VPS33A: variants seen among roughly 807,000 people sequenced by gnomAD.
The protein encoded by VPS33A is VPS33A core subunit of CORVET and HOPS complexes.
A neutral mutation model predicts 71.8 loss-of-function variants in VPS33A; 32 were observed. The observed-to-expected ratio is 0.45, with a 90% CI of 0.34 to 0.60. VPS33A has a LOEUF of 0.60. Among genes scored for constraint, VPS33A ranks in the 20% least tolerant of loss-of-function variants. The pLI is 0.02. For synonymous variants in VPS33A, 311 were observed against 292.7 expected (o/e 1.06, Z -0.64); for missense variants, 625 against 748.5 (o/e 0.84, Z 1.92).
At chr12:122,240,069 T>C (rs541193476) in intron 8 of VPS33A, 124 bp from the exon 9 acceptor site, 2 of 718,038 alleles carry the variant, frequency 2.8e-6, no homozygotes, top group Admixed American at 4.6e-5. Flanking sequence ...GGCTCACACC[T>C]GTAATCTCAG....
chr12:122,234,758 G>C (rs1340698547), intron 11 of VPS33A, among the ~76,000 whole-genome samples: 1 of 152,184 alleles, frequency 6.6e-6, no homozygotes, highest in Non-Finnish European at 1.5e-5. Context: ...AGAGTGAACT[G>C]GAGAGTGGGC....
chr12:122,252,622 T>TGA (rs1412841871), intron 4 of VPS33A, among the ~76,000 whole-genome samples: 1 of 151,264 alleles, frequency 6.6e-6, no homozygotes. Context: ...ACCTGTGAGG[T>TGA]GAGAGGAGGG....
chr12:122,261,866 G>C (rs1255264839), intron 3 of VPS33A, among the ~76,000 whole-genome samples: 1 of 152,164 alleles, frequency 6.6e-6, no homozygotes, highest in Non-Finnish European at 1.5e-5. Context: ...GCCGGGCATG[G>C]TGGCAGGCAC....
At chr12:122,238,992 TACATACAC>T (rs1049530871) in intron 9 of VPS33A, among the ~76,000 whole-genome samples, 2 of 118,606 alleles carry the variant, frequency 1.7e-5, no homozygotes, top group African/African-American at 6.8e-5. Context: ...CACACATACA[TACATACAC>T]ACACACACAC....
rs921034226 is a variant in VPS33A at position 122,229,693 on chromosome 12, T to C, written c.*2553A>G. ...AAATGTACCGTTCACATATCCTTTC[T>C]CAGTAAGGGCATACTCTTTTGAGAC... On this transcript the variant is annotated 3_prime_UTR_variant, in exon 13 of 13. Transcript: ENST00000267199. 1 of 152,224 alleles carries C rather than the reference T, an allele frequency of 6.6e-6. No homozygotes were observed. The highest frequency in any genetic ancestry group is 1.5e-5 in the Non-Finnish European group (1 of 68,026). 9.4% of individuals were successfully genotyped at this position (152,224 alleles called of 1,614,324 possible).
Position 122,232,371 on chromosome 12 carries a change from C to A in VPS33A, c.1666G>T (p.Ala556Ser). The A allele has an allele frequency of 3.7e-6, 6 of 1,614,150 alleles. No individual in the cohort carries two copies. Among genetic ancestry groups the A allele is most frequent in the Non-Finnish European group, 5.1e-6 (6 of 1,180,032 alleles). The change falls in exon 13 of 13, where the codon GCT becomes TCT. Residue 556 changes from alanine to serine, a missense_variant. Ala to Ser is a moderately conservative substitution (Grantham distance 99). Transcript: ENST00000267199. ...LIFFLGGVTF[A>S]EIAALRFLSQ... ...AGAAATCGCAGGGCAGCAATTTCAG[C>A]GAAGGTTACGCCCCCAAGGAAAAAT...
At chr12:122,245,022 A>T (rs185768995) in intron 6 of VPS33A, among the ~76,000 whole-genome samples, 1 of 152,200 alleles carries the variant, frequency 6.6e-6, no homozygotes, top group African/African-American at 2.4e-5. Context: ...TTCAGGGATT[A>T]GGTCACTTTT....
chr12:122,238,216 T>A (rs768113460), intron 10 of VPS33A, among the ~76,000 whole-genome samples: 11 of 152,186 alleles, frequency 7.2e-5, no homozygotes, highest in Non-Finnish European at 4.4e-5. Flanking sequence ...TTTTTAATTT[T>A]AAATTTTTTA....
chr12:122,231,943 G>C lies in VPS33A; in HGVS notation c.*303C>G. 2.5e-6 allele frequency: 1 copy of C among 399,626 alleles called. No individual in the cohort carries two copies. The highest frequency in any genetic ancestry group is 4.4e-6 in the Non-Finnish European group (1 of 227,596). 24.8% of individuals were successfully genotyped at this position (399,626 alleles called of 1,614,324 possible). On this transcript the variant is annotated 3_prime_UTR_variant, in exon 13 of 13. Coordinates refer to ENST00000267199, the MANE Select transcript of VPS33A (RefSeq NM_022916.6). Reference sequence around the variant, plus strand: ...GTGGTGGTGCATGCCTGTAGTCCCAGCTACTCAGGAGGCTGAGGCAGGAGA... The same window carrying C: ...GTGGTGGTGCATGCCTGTAGTCCCACCTACTCAGGAGGCTGAGGCAGGAGA...
chr12:122,234,329 G>A (rs928537093), intron 11 of VPS33A, among the ~76,000 whole-genome samples: 4 of 152,048 alleles, frequency 2.6e-5, no homozygotes. Flanking sequence ...CCATGCTGGA[G>A]TGCAGCAGTG....
intron 8 of VPS33A, among the ~76,000 whole-genome samples, chr12:122,241,976 C>T (rs1211899814): frequency 1.3e-5 from 2 of 151,896 alleles, no homozygotes; most frequent in Admixed American, 6.6e-5. Context: ...GGCGTGATGT[C>T]GGCTCACTGC....
chr12:122,251,060 C>T lies in VPS33A; in HGVS notation c.523G>A (p.Ala175Thr), dbSNP rs200143325. Residue 175 changes from alanine to threonine, a missense_variant, in exon 5 of 13, where the codon GCA becomes ACA. Ala to Thr is a moderately conservative substitution (Grantham distance 58, BLOSUM62 0). Coordinates refer to ENST00000267199, the MANE Select transcript of VPS33A (RefSeq NM_022916.6). ...TGCAGGGTCATCAGCCCCTTGGCTG[C>T]GTGGTACAGGCTCGTCTGGTCACCC... is the stretch of plus-strand genomic sequence containing the variant. ...LEGDQTSLYH[A>T]AKGLMTLQAL... is the part of the protein sequence containing the mutation. The T allele has an allele frequency of 1.1e-4, 184 of 1,614,154 alleles. No homozygotes were observed. The highest frequency in any genetic ancestry group is 1.8e-4 in the East Asian group (8 of 44,882).
chr12:122,261,184 A>G, intron 4 of VPS33A, 77 bp downstream of exon 4: 3 of 1,214,972 alleles, frequency 2.5e-6, no homozygotes, highest in Admixed American at 5.2e-5. Flanking sequence ...GCTTCACAGT[A>G]ATCAGTACTG....
At chr12:122,238,467 C>T (rs1954659722) in intron 10 of VPS33A, 120 bp downstream of exon 10, 1 of 1,241,422 alleles carries the variant, frequency 8.1e-7, no homozygotes, top group Non-Finnish European at 1.1e-6. Flanking sequence ...AGTGATCCAC[C>T]TGCTTTGGCC....
chr12:122,260,760 C>T (rs1050412226), intron 4 of VPS33A, among the ~76,000 whole-genome samples: 3 of 151,892 alleles, frequency 2.0e-5, no homozygotes, highest in Non-Finnish European at 2.9e-5. Context: ...CGGAGGCGGG[C>T]GGATCATGAA....
chr12:122,252,182 A>T (rs988236014), intron 4 of VPS33A, among the ~76,000 whole-genome samples: 1 of 152,156 alleles, frequency 6.6e-6, no homozygotes, highest in Non-Finnish European at 1.5e-5. Context: ...ACCGGAGCCC[A>T]GGGATTTGAG....
intron 6 of VPS33A, among the ~76,000 whole-genome samples, chr12:122,246,313 T>A (rs1053049916): frequency 6.6e-6 from 1 of 152,084 alleles, no homozygotes; most frequent in East Asian, 1.9e-4. Flanking sequence ...TTTATTTATT[T>A]ATTTAAGAGG....
chr12:122,251,526 T>A (rs951445611), intron 4 of VPS33A, among the ~76,000 whole-genome samples: 10 of 152,194 alleles, frequency 6.6e-5, no homozygotes, highest in African/African-American at 2.2e-4. Context: ...ACAGGACGAA[T>A]ACTTTATTGT....
intron 8 of VPS33A, chr12:122,241,149 AAG>A (rs1954708853): frequency 6.6e-6 from 1 of 151,882 alleles, no homozygotes; most frequent in Non-Finnish European, 1.5e-5. Flanking sequence ...AAAAAAAAAA[AAG>A]AAAAAAAGCT....
Sources: gnomAD v4.1 joint callset for allele counts (sites outside exome capture counted in the v4.1 genomes callset) on GRCh38, gnomAD v4.1.1 for gene constraint, MANE v1.5 for transcripts, NCBI Gene and HGNC (gene_info 2026-07-23, HGNC 2026-07-21) for gene names.